Variants in CRACR2A observed in about 807,000 individuals in gnomAD.
CRACR2A encodes EF-hand calcium-binding domain-containing protein 4B.
CRACR2A carries 79 observed loss-of-function variants against 90.5 expected under a neutral mutation model. The observed-to-expected ratio is 0.87, with a 90% confidence interval of 0.73 to 1.05. The LOEUF is 1.05. Ranked by LOEUF, CRACR2A falls within the 50% of genes least tolerant of loss-of-function variation. CRACR2A has a pLI of 0.00. For missense variants in CRACR2A, 823 were observed against 897.2 expected (o/e 0.92, Z 1.06); for synonymous variants, 338 against 356.7 (o/e 0.95, Z 0.59).
At chr12:3,645,802 T>C in intron 11 of CRACR2A, among the ~76,000 whole-genome samples, 1 of 152,164 alleles carries the variant, frequency 6.6e-6, no homozygotes, top group East Asian at 1.9e-4. Flanking sequence ...GTTGAAGAAA[T>C]GGCAAAGCAA....
chr12:3,658,757 CT>C (rs1380138342), intron 8 of CRACR2A, among the ~76,000 whole-genome samples: 2 of 152,028 alleles, frequency 1.3e-5, no homozygotes, highest in African/African-American at 2.4e-5. Flanking sequence ...AGATCAAAGC[CT>C]TTTCTGCAGA....
chr12:3,627,946 A>C (rs1944296950), intron 15 of CRACR2A, among the ~76,000 whole-genome samples: 1 of 152,008 alleles, frequency 6.6e-6, no homozygotes, highest in South Asian at 2.1e-4. Flanking sequence ...CAAATCACTT[A>C]ACCACTCTGA....
chr12:3,742,903 A>G (rs576935645), intron 1 of CRACR2A, among the ~76,000 whole-genome samples: 4 of 152,358 alleles, frequency 2.6e-5, no homozygotes, highest in Admixed American at 2.0e-4. Flanking sequence ...TGGGGAGGTC[A>G]GCTCTCTCTG....
intron 2 of CRACR2A, among the ~76,000 whole-genome samples, chr12:3,715,489 C>G (rs146791190): frequency 6.6e-6 from 1 of 152,254 alleles, no homozygotes; most frequent in East Asian, 1.9e-4. Context: ...GAACATCACA[C>G]GTACTTATAA....
Position 3,628,017 on chromosome 12 carries a change from C to A in CRACR2A, c.1736-311G>T, listed in dbSNP as rs377541260. Among the ~76,000 whole-genome samples the A allele has an allele frequency of 3.4e-3, 475 of 140,726 alleles. 3 individuals are homozygous for A. The highest frequency in any genetic ancestry group is 0.012 in the African/African-American group (445 of 37,464). The allele number at this position is 140,726 out of a possible 152,430, so 92.3% of individuals were successfully genotyped here. On this transcript the variant is annotated intron_variant, in intron 15 of 19. Coordinates refer to ENST00000440314, the MANE Select transcript of CRACR2A (RefSeq NM_001144958.2). ...TCTTTCTTTCCCTCCCTCCCTCCCT[C>A]CCTCTCTCCTTCCCTCCCTCTCTCC... is the stretch of plus-strand genomic sequence containing the variant.
chr12:3,671,060 A>G (rs1945232443), intron 7 of CRACR2A, among the ~76,000 whole-genome samples: 1 of 152,196 alleles, frequency 6.6e-6, no homozygotes, highest in African/African-American at 2.4e-5. Context: ...CACAATTACT[A>G]AATGAGGACA....
At chr12:3,724,761 G>T (rs1946236008) in intron 2 of CRACR2A, among the ~76,000 whole-genome samples, 1 of 152,242 alleles carries the variant, frequency 6.6e-6, no homozygotes, top group South Asian at 2.1e-4. Flanking sequence ...GTTGGGGAGG[G>T]GTGGAGTGCA....
chr12:3,627,610 C>G lies in CRACR2A; in HGVS notation c.1817+15G>C, dbSNP rs775868979. On this transcript the variant is annotated intron_variant, in intron 16 of 19. Coordinates refer to ENST00000440314, the MANE Select transcript of CRACR2A (RefSeq NM_001144958.2). ...GCCTTCCCTCTGGAGCCCAGAACTT[C>G]GGGCAGCTCCTCACCTCTCCTGCCC... 6.4e-7 allele frequency: 1 copy of G among 1,551,646 alleles called. No individual in the cohort carries two copies. Among genetic ancestry groups the G allele is most frequent in the Admixed American group, 2.0e-5 (1 of 51,008 alleles).
chr12:3,750,514 CA>C (rs1565513433), intron 1 of CRACR2A, among the ~76,000 whole-genome samples: 3 of 152,294 alleles, frequency 2.0e-5, no homozygotes, highest in East Asian at 3.9e-4. Flanking sequence ...CAATATTTGG[CA>C]ATTACATCTT....
At chr12:3,735,663 C>T (rs1426920622) in intron 1 of CRACR2A, among the ~76,000 whole-genome samples, 1 of 152,132 alleles carries the variant, frequency 6.6e-6, no homozygotes, top group Non-Finnish European at 1.5e-5. Context: ...AAGTGGGTAG[C>T]AGAGGCAGGA....
At position 3,654,365 on chromosome 12, in the gene CRACR2A, T is replaced by C; in HGVS notation, c.893A>G (p.Lys298Arg). Residue 298 changes from lysine (K) to arginine (R), a missense_variant, in exon 10 of 20, where the codon AAG (lysine) becomes AGG (arginine). Transcript: ENST00000440314. ...EGQCTALHHDKHETKAENTKL... is the reference protein window; with the variant it reads ...EGQCTALHHDRHETKAENTKL... ...GGTATTCTCAGCCTTGGTCTCATGC[T>C]TGTCATGATGCAGGGCTGTGCACTG... 1.2e-6 allele frequency: 2 copies of C among 1,613,036 alleles called. No individual in the cohort carries two copies. Among genetic ancestry groups the C allele is most frequent in the Non-Finnish European group, 1.7e-6 (2 of 1,179,642 alleles).
chr12:3,743,085 G>A (rs1364184548), intron 1 of CRACR2A, among the ~76,000 whole-genome samples: 1 of 152,212 alleles, frequency 6.6e-6, no homozygotes, highest in East Asian at 1.9e-4. Flanking sequence ...CAGATGTGGT[G>A]TGTGTTACAA....
intron 19 of CRACR2A, among the ~76,000 whole-genome samples, chr12:3,616,177 T>C (rs893664573): frequency 2.0e-5 from 3 of 152,222 alleles, no homozygotes; most frequent in Admixed American, 6.5e-5. Context: ...CTTGTGATAC[T>C]CCATAACCCT....
chr12:3,701,139 T>C (rs1945828259), intron 3 of CRACR2A, among the ~76,000 whole-genome samples: 1 of 148,910 alleles, frequency 6.7e-6, no homozygotes, highest in South Asian at 2.1e-4. Context: ...AAAGGGGAAA[T>C]GAAAAAATAT....
intron 1 of CRACR2A, among the ~76,000 whole-genome samples, chr12:3,745,814 ATAAAAT>A (rs1186539594): frequency 1.1e-3 from 5 of 4,716 alleles, no homozygotes; most frequent in Admixed American, 7.6e-3. Flanking sequence ...ATAAAATAAA[ATAAAAT>A]AAAATAAAGA....
At chr12:3,752,993 C>G (rs545584505) in intron 1 of CRACR2A, 22 bp downstream of exon 1, 517 of 152,576 alleles carry the variant, frequency 3.4e-3, no homozygotes, top group Non-Finnish European at 5.5e-3. Flanking sequence ...GGCCGCCCAC[C>G]CTCAACCTTC....
intron 6 of CRACR2A, among the ~76,000 whole-genome samples, chr12:3,676,236 C>A (rs1034048020): frequency 2.0e-5 from 3 of 152,162 alleles, no homozygotes. Context: ...AGGTAAGGAA[C>A]CTCTCTGTTT....
chr12:3,637,440 C>T (rs1022388987), intron 14 of CRACR2A, among the ~76,000 whole-genome samples: 2 of 152,126 alleles, frequency 1.3e-5, no homozygotes, highest in African/African-American at 4.8e-5. Context: ...TGAGGTTTCT[C>T]TTCAAATAAT....
chr12:3,658,383 C>T (rs1265233203), intron 8 of CRACR2A, among the ~76,000 whole-genome samples: 2 of 147,928 alleles, frequency 1.4e-5, no homozygotes, highest in South Asian at 2.3e-4. Flanking sequence ...TGTCCGATGG[C>T]GGGGAGGTGG....
Sources: allele counts gnomAD v4.1 joint callset (sites outside exome capture counted in the v4.1 genomes callset), GRCh38; gene constraint gnomAD v4.1.1; transcripts MANE v1.5; gene names NCBI Gene and HGNC (gene_info 2026-07-23, HGNC 2026-07-21).